The following TTLL5 variants were observed in gnomAD, a reference collection of about 807,000 sequenced individuals.
TTLL5 encodes the protein tubulin tyrosine ligase like 5.
TTLL5 carries 132 observed loss-of-function variants against 168.4 expected under a neutral mutation model. The observed-to-expected ratio is 0.78, with a 90% CI of 0.68 to 0.91. The LOEUF is 0.91. Ranked by LOEUF, TTLL5 falls within the 40% of genes least tolerant of loss-of-function variation. The probability of loss-of-function intolerance (pLI) is 0.00; values close to 1 mark genes in which losing one functional copy is unlikely to be tolerated. For synonymous variants in TTLL5, 546 were observed against 558.6 expected (o/e 0.98, Z 0.32); for missense variants, 1,545 against 1,581.5 (o/e 0.98, Z 0.39).
intron 15 of TTLL5, chr14:75,744,400 G>C (rs1011170902): frequency 3.3e-5 from 5 of 152,066 alleles, no homozygotes; most frequent in African/African-American, 1.2e-4. Context: ...TCATCATGTA[G>C]AAGCTGAAAT....
intron 28 of TTLL5, among the ~76,000 whole-genome samples, chr14:75,862,360 G>T (rs913338359): frequency 2.6e-5 from 4 of 152,120 alleles, no homozygotes; most frequent in Admixed American, 6.5e-5. Context: ...AAAATTGCTG[G>T]ATCATTTGGT....
At chr14:75,681,164 C>T (rs12717566) in intron 3 of TTLL5, among the ~76,000 whole-genome samples, 89,904 of 151,998 alleles carry the variant, frequency 0.59, 28,079 homozygotes, top group Non-Finnish European at 0.69. Context: ...CTACTATAAT[C>T]TTTAAATACT....
intron 12 of TTLL5, among the ~76,000 whole-genome samples, chr14:75,729,208 G>A (rs1888378134): frequency 6.6e-6 from 1 of 152,152 alleles, no homozygotes; most frequent in Non-Finnish European, 1.5e-5. Context: ...TTGCTCTTCT[G>A]TCATGATAAA....
intron 28 of TTLL5, among the ~76,000 whole-genome samples, chr14:75,828,031 T>C (rs1413329130): frequency 6.6e-6 from 1 of 152,120 alleles, no homozygotes; most frequent in Non-Finnish European, 1.5e-5. Context: ...CTGGCTGATC[T>C]TAAAAATAAG....
At chr14:75,822,235 A>G (rs1025393887) in intron 28 of TTLL5, among the ~76,000 whole-genome samples, 1 of 152,140 alleles carries the variant, frequency 6.6e-6, no homozygotes, top group Non-Finnish European at 1.5e-5. Flanking sequence ...AGTCGTAAGG[A>G]TGACTAAGTT....
chr14:75,874,900 T>C (rs945483362), intron 29 of TTLL5, among the ~76,000 whole-genome samples: 1 of 146,112 alleles, frequency 6.8e-6, no homozygotes, highest in African/African-American at 2.6e-5. Context: ...CTTTTCTGTT[T>C]GTGACACAGA....
intron 27 of TTLL5, among the ~76,000 whole-genome samples, chr14:75,807,184 A>G (rs1486029149): frequency 6.6e-6 from 1 of 152,098 alleles, no homozygotes; most frequent in African/African-American, 2.4e-5. Flanking sequence ...GCAGTGGCGC[A>G]CTCCTATAAT....
intron 28 of TTLL5, among the ~76,000 whole-genome samples, chr14:75,860,607 T>C (rs1897350029): frequency 6.6e-6 from 1 of 152,210 alleles, no homozygotes; most frequent in South Asian, 2.1e-4. Context: ...CCTGCCCTAA[T>C]TGGTGTGGAA....
chr14:75,938,524 CATTTTACATGAATAA>C (rs1425115775), intron 31 of TTLL5, among the ~76,000 whole-genome samples: 1 of 152,186 alleles, frequency 6.6e-6, no homozygotes, highest in East Asian at 1.9e-4. Context: ...TAAATTGAAT[CATTTTACATGAATAA>C]TAACCTGTAG....
chr14:75,753,465 T>G (rs991975255), intron 18 of TTLL5, among the ~76,000 whole-genome samples: 3 of 152,202 alleles, frequency 2.0e-5, no homozygotes, highest in African/African-American at 4.8e-5. Flanking sequence ...CAGGGCTGCT[T>G]AGTCCCACAT....
At position 75,690,227 on chromosome 14, in the gene TTLL5, A is replaced by G; in HGVS notation, c.407A>G (p.Lys136Arg). Reference protein sequence around the residue: ...YELTRKDRLYKNIIRMQHTHG... With the variant: ...YELTRKDRLYRNIIRMQHTHG... ...CTTACCCGGAAGGACCGACTGTACAAAAACATTATTCGAATGCAGCATACA... is the reference window on the plus strand; with the variant it reads ...CTTACCCGGAAGGACCGACTGTACAGAAACATTATTCGAATGCAGCATACA... The change falls in exon 6 of 32, where the codon AAA becomes AGA. Residue 136 changes from lysine (K) to arginine (R), a missense_variant. Lys to Arg is a conservative substitution (Grantham distance 26, BLOSUM62 2). Transcript: ENST00000298832. 1.2e-6 allele frequency: 2 copies of G among 1,613,512 alleles called. No individual in the cohort carries two copies. Among genetic ancestry groups the G allele is most frequent in the South Asian group, 1.1e-5 (1 of 90,930 alleles).
intron 28 of TTLL5, among the ~76,000 whole-genome samples, chr14:75,850,877 G>GCGGGAGGATCCAT (rs1896807911): frequency 1.3e-5 from 2 of 151,940 alleles, no homozygotes; most frequent in South Asian, 4.2e-4. Flanking sequence ...GGAGGCTGCG[G>GCGGGAGGATCCAT]TGAGTCCAGG....
intron 19 of TTLL5, 108 bp from the exon 20 acceptor site, chr14:75,765,954 G>T: frequency 1.2e-6 from 1 of 856,176 alleles, no homozygotes. Flanking sequence ...TGCCTTGTTT[G>T]TGGTTTGGTT....
chr14:75,910,053 G>A (rs1381370041), intron 31 of TTLL5, among the ~76,000 whole-genome samples: 1 of 152,208 alleles, frequency 6.6e-6, no homozygotes, highest in Admixed American at 6.5e-5. Flanking sequence ...GGGTTCATTG[G>A]CCTTGAAGAA....
intron 18 of TTLL5, chr14:75,757,942 T>C: frequency 3.0e-6 from 4 of 1,333,992 alleles, no homozygotes; most frequent in Middle Eastern, 3.9e-4. Context: ...CTAAGCATAA[T>C]ACCTTATATA....
At chr14:75,761,865 T>C (rs1890670401) in intron 18 of TTLL5, among the ~76,000 whole-genome samples, 1 of 152,202 alleles carries the variant, frequency 6.6e-6, no homozygotes, top group Non-Finnish European at 1.5e-5. Context: ...AAAACAATTA[T>C]TGAACTCTAG....
intron 28 of TTLL5, among the ~76,000 whole-genome samples, chr14:75,857,656 T>G (rs1897200922): frequency 6.6e-6 from 1 of 151,192 alleles, no homozygotes; most frequent in African/African-American, 2.4e-5. Context: ...TTTTTTTTTT[T>G]GGTGGGGAGG....
intron 8 of TTLL5, 69 bp downstream of exon 8, chr14:75,707,156 C>T: frequency 8.3e-7 from 1 of 1,197,848 alleles, no homozygotes; most frequent in Non-Finnish European, 1.2e-6. Context: ...CTTTTCATAG[C>T]CTTCTCTAGT....
At chr14:75,782,845 G>A (rs1447023780) in intron 25 of TTLL5, among the ~76,000 whole-genome samples, 1 of 152,158 alleles carries the variant, frequency 6.6e-6, no homozygotes, top group Non-Finnish European at 1.5e-5. Context: ...GCTGTTGCTA[G>A]TGGAGACTTC....
Sources: gnomAD v4.1 joint callset for allele counts (sites outside exome capture counted in the v4.1 genomes callset) on GRCh38, gnomAD v4.1.1 for gene constraint, MANE v1.5 for transcripts, NCBI Gene and HGNC (gene_info 2026-07-23, HGNC 2026-07-21) for gene names.